The following PPP1R9A variants were observed in gnomAD, a reference collection of about 807,000 sequenced individuals.
The protein encoded by PPP1R9A is neurabin-1.
In PPP1R9A, 59 loss-of-function variants were observed where a neutral mutation model predicts 141.9. The observed-to-expected ratio is 0.42, with a 90% CI of 0.34 to 0.52. PPP1R9A has a LOEUF of 0.52. Ranked by LOEUF, PPP1R9A falls within the 20% of genes least tolerant of loss-of-function variation. The pLI is 0.10. For synonymous variants in PPP1R9A, 500 were observed against 569.7 expected, an observed-to-expected ratio of 0.88 and a Z score of 1.74; for missense variants, 1,444 against 1,611.9, an observed-to-expected ratio of 0.90 and a Z score of 1.78.
intron 4 of PPP1R9A, among the ~76,000 whole-genome samples, chr7:95,131,478 T>C (rs1824599426): frequency 6.6e-6 from 1 of 152,168 alleles, no homozygotes; most frequent in Non-Finnish European, 1.5e-5. Context: ...TTCTGTTCCA[T>C]TGGTTTATAT....
At chr7:95,125,390 C>A (rs970259101) in intron 4 of PPP1R9A, among the ~76,000 whole-genome samples, 1 of 152,016 alleles carries the variant, frequency 6.6e-6, no homozygotes, top group Non-Finnish European at 1.5e-5. Context: ...GATATGATAG[C>A]CATTTCTATT....
chr7:95,106,955 T>C (rs1819615472), intron 2 of PPP1R9A, among the ~76,000 whole-genome samples: 1 of 152,108 alleles, frequency 6.6e-6, no homozygotes, highest in Admixed American at 6.6e-5. Flanking sequence ...TTAATTGTTG[T>C]ATTTTTAGTA....
At chr7:95,189,726 G>A (rs1227459874) in intron 5 of PPP1R9A, among the ~76,000 whole-genome samples, 1 of 152,024 alleles carries the variant, frequency 6.6e-6, no homozygotes, top group African/African-American at 2.4e-5. Context: ...GTGAGCCACC[G>A]CGCCCGGCCG....
At chr7:95,250,508 T>A (rs1178503643) in intron 10 of PPP1R9A, among the ~76,000 whole-genome samples, 1 of 152,222 alleles carries the variant, frequency 6.6e-6, no homozygotes, top group Non-Finnish European at 1.5e-5. Flanking sequence ...AATTAATCGT[T>A]GTTTATAACT....
chr7:94,951,455 T>C (rs548905108), intron 2 of PPP1R9A, among the ~76,000 whole-genome samples: 1 of 152,242 alleles, frequency 6.6e-6, no homozygotes, highest in East Asian at 1.9e-4. Flanking sequence ...TGAATGGATA[T>C]TGAGTTTCAT....
At chr7:95,117,502 G>T (rs1821734435) in intron 3 of PPP1R9A, among the ~76,000 whole-genome samples, 1 of 152,238 alleles carries the variant, frequency 6.6e-6, no homozygotes, top group South Asian at 2.1e-4. Flanking sequence ...TCTGCAACTG[G>T]ATTTTCAGCT....
chr7:95,164,374 CTTT>C, intron 5 of PPP1R9A, among the ~76,000 whole-genome samples: 1 of 151,818 alleles, frequency 6.6e-6, no homozygotes. Flanking sequence ...ATTTGTAATC[CTTT>C]ATAGTATTTT....
chr7:94,969,232 T>G (rs1798583776), intron 2 of PPP1R9A, among the ~76,000 whole-genome samples: 1 of 152,108 alleles, frequency 6.6e-6, no homozygotes, highest in Non-Finnish European at 1.5e-5. Context: ...GGCATTCTGG[T>G]TTTTGGAATT....
At chr7:95,170,727 A>G (rs1305009545) in intron 5 of PPP1R9A, among the ~76,000 whole-genome samples, 1 of 151,612 alleles carries the variant, frequency 6.6e-6, no homozygotes, top group African/African-American at 2.4e-5. Context: ...TGTCAGGGGA[A>G]GTCTTTAATA....
intron 5 of PPP1R9A, among the ~76,000 whole-genome samples, chr7:95,178,571 C>T (rs1833235482): frequency 6.6e-6 from 1 of 151,416 alleles, no homozygotes; most frequent in African/African-American, 2.4e-5. Flanking sequence ...AAAAAAAATA[C>T]AAAAGATAAA....
At position 95,049,328 on chromosome 7, in the gene PPP1R9A, C is replaced by T. The variant is rs115663934; in HGVS notation, c.1396-61931C>T. ...CTCCAGGGGATAAACCACTAATTTGCGAAGAGATTGGGTTAAAAAAAGAGG... is the reference window on the plus strand; with the variant it reads ...CTCCAGGGGATAAACCACTAATTTGTGAAGAGATTGGGTTAAAAAAAGAGG... On this transcript the variant is annotated intron_variant, in intron 2 of 19. Transcript: ENST00000433360. 7.4e-3 allele frequency among the ~76,000 whole-genome samples: 1,118 copies of T among 152,072 alleles called. 17 individuals carry two copies. The highest frequency in any genetic ancestry group is 0.025 in the African/African-American group (1,039 of 41,460).
At chr7:95,145,852 A>G (rs1429771562) in intron 4 of PPP1R9A, among the ~76,000 whole-genome samples, 1 of 152,230 alleles carries the variant, frequency 6.6e-6, no homozygotes, top group Non-Finnish European at 1.5e-5. Context: ...ATGGCTGCAT[A>G]GTAATCCATG....
chr7:95,146,456 C>T (rs1827633870), intron 4 of PPP1R9A, among the ~76,000 whole-genome samples: 1 of 152,162 alleles, frequency 6.6e-6, no homozygotes, highest in African/African-American at 2.4e-5. Context: ...TGCCTGTTCA[C>T]CCTGATGATA....
intron 2 of PPP1R9A, among the ~76,000 whole-genome samples, chr7:95,044,162 G>C (rs748418703): frequency 5.3e-5 from 8 of 152,154 alleles, no homozygotes; most frequent in Admixed American, 2.0e-4. Context: ...TTTCTGGAGG[G>C]GGTCTGCCAG....
At chr7:95,274,835 T>C (rs1015675541) in intron 16 of PPP1R9A, among the ~76,000 whole-genome samples, 2 of 152,206 alleles carry the variant, frequency 1.3e-5, no homozygotes, top group Non-Finnish European at 2.9e-5. Flanking sequence ...GAATCATGGC[T>C]CTCCTACTTA....
chr7:95,266,835 T>C (rs924638533), intron 12 of PPP1R9A, among the ~76,000 whole-genome samples: 2 of 152,152 alleles, frequency 1.3e-5, no homozygotes, highest in African/African-American at 4.8e-5. Flanking sequence ...GCTTATAAGA[T>C]TGACTCTCTC....
intron 2 of PPP1R9A, among the ~76,000 whole-genome samples, chr7:95,053,491 T>A (rs2152013930): frequency 6.6e-6 from 1 of 152,334 alleles, no homozygotes; most frequent in African/African-American, 2.4e-5. Flanking sequence ...GTAAGTTTCT[T>A]AACACCAATA....
At chr7:95,168,830 TAAG>T (rs1282285033) in intron 5 of PPP1R9A, among the ~76,000 whole-genome samples, 2 of 152,134 alleles carry the variant, frequency 1.3e-5, no homozygotes, top group African/African-American at 4.8e-5. Flanking sequence ...AAAACTGTAC[TAAG>T]ATATCCGCTT....
chr7:95,048,523 TTTGTTGTTGTTGTTG>T (rs34158265), intron 2 of PPP1R9A, among the ~76,000 whole-genome samples: 1 of 150,488 alleles, frequency 6.6e-6, no homozygotes, highest in Admixed American at 6.6e-5. Context: ...ATGACAGCGT[TTTGTTGTTGTTGTTG>T]TTGTTGTTGT....
Sources: gnomAD v4.1 joint callset for allele counts (sites outside exome capture counted in the v4.1 genomes callset) on GRCh38, gnomAD v4.1.1 for gene constraint, MANE v1.5 for transcripts, NCBI Gene and HGNC (gene_info 2026-07-23, HGNC 2026-07-21) for gene names.